The following DTNA variants were observed in gnomAD, a reference collection of about 807,000 sequenced individuals.
DTNA encodes dystrophin-related protein 3.
A neutral mutation model predicts 100.7 loss-of-function variants in DTNA; 43 were observed. That is an observed-to-expected ratio of 0.43 (90% CI 0.33 to 0.55). The LOEUF (loss-of-function observed/expected upper bound fraction) is 0.55, where lower values mean the gene tolerates loss of function less well. DTNA is among the 20% of genes least tolerant of loss of function. The pLI is 0.04. For synonymous variants in DTNA, 349 were observed against 347.9 expected (o/e 1.00, Z -0.04); for missense variants, 798 against 953.9 (o/e 0.84, Z 2.15).
intron 1 of DTNA, among the ~76,000 whole-genome samples, chr18:34,751,473 C>T (rs763748339): frequency 1.1e-4 from 16 of 152,184 alleles, no homozygotes; most frequent in Admixed American, 2.0e-4. Flanking sequence ...AGCCCTTTAT[C>T]GTCTAAACAT....
chr18:34,807,945 T>G (rs919854835), intron 5 of DTNA, among the ~76,000 whole-genome samples: 2 of 151,472 alleles, frequency 1.3e-5, no homozygotes, highest in African/African-American at 4.9e-5. Context: ...AGAGAAAGTT[T>G]AGCAAAATGA....
At chr18:34,500,725 A>T (rs1383464567) in intron 1 of DTNA, among the ~76,000 whole-genome samples, 1 of 151,928 alleles carries the variant, frequency 6.6e-6, no homozygotes, top group African/African-American at 2.4e-5. Context: ...CGGCCTCCCA[A>T]ACTGCTGGGA....
chr18:34,554,898 T>G (rs2045860481), intron 1 of DTNA, among the ~76,000 whole-genome samples: 1 of 150,354 alleles, frequency 6.7e-6, no homozygotes, highest in South Asian at 2.1e-4. Flanking sequence ...ATAAAATGAG[T>G]TAGGGAGGAT....
chr18:34,720,426 G>A lies in DTNA; in HGVS notation c.-2+9981G>A, dbSNP rs138999590. Among the ~76,000 whole-genome samples the A allele has an allele frequency of 3.8e-4, 58 of 152,314 alleles. No individual in the cohort carries two copies. The East Asian group carries it at 9.8e-3, about 26-fold the overall frequency. ...CCTCTGTTGTACTGGATTTCCAGCA[G>A]GGAATGATGCTGTTTGGGTTAAGAC... On this transcript the variant is annotated intron_variant, in intron 1 of 22. Transcript: ENST00000444659.
At chr18:34,756,952 G>C (rs2092819084) in intron 2 of DTNA, among the ~76,000 whole-genome samples, 1 of 152,074 alleles carries the variant, frequency 6.6e-6, no homozygotes, top group African/African-American at 2.4e-5. Flanking sequence ...GACAAAATTA[G>C]GTTTCTACTA....
intron 9 of DTNA, among the ~76,000 whole-genome samples, chr18:34,826,603 A>G (rs185273833): frequency 6.6e-6 from 1 of 152,330 alleles, no homozygotes. Flanking sequence ...TTAGGCTGCT[A>G]TAATTAATGT....
intron 1 of DTNA, among the ~76,000 whole-genome samples, chr18:34,743,552 T>C (rs2091078733): frequency 2.0e-5 from 3 of 152,174 alleles, no homozygotes; most frequent in Non-Finnish European, 4.4e-5. Context: ...CTATTCCACA[T>C]GTTACTGATA....
chr18:34,661,301 G>A (rs922450141), intron 1 of DTNA, among the ~76,000 whole-genome samples: 4 of 152,176 alleles, frequency 2.6e-5, no homozygotes, highest in Admixed American at 6.5e-5. Flanking sequence ...TAGTGGATAC[G>A]TTGATCATTC....
intron 1 of DTNA, among the ~76,000 whole-genome samples, chr18:34,565,512 G>A (rs1246344627): frequency 1.3e-5 from 2 of 152,192 alleles, no homozygotes; most frequent in African/African-American, 4.8e-5. Flanking sequence ...GAGGCTAGAA[G>A]TCCAAAATCA....
rs376665876 is a variant in DTNA at position 34,725,333 on chromosome 18, T to C, written c.-2+14888T>C. ...CAACCTACAGAATAGGAGAAAATTT[T>C]TGCAATCTATCCATCTGACAAAGGG... On this transcript the variant is annotated intron_variant, in intron 1 of 22. Transcript: ENST00000444659. Among the ~76,000 whole-genome samples the C allele has an allele frequency of 5.9e-5, 9 of 152,162 alleles. No homozygotes were observed. In the South Asian group the frequency reaches 1.2e-3, roughly 21 times the overall value.
rs9959254 is a variant in DTNA at position 34,817,620 on chromosome 18, C to T, written c.710-544C>T. 0.12 allele frequency among the ~76,000 whole-genome samples: 18,633 copies of T among 152,134 alleles called. 1,247 individuals are homozygous for T. The highest frequency in any genetic ancestry group is 0.16 in the South Asian group (756 of 4,814). On this transcript the variant is annotated intron_variant, in intron 7 of 22. Coordinates refer to ENST00000444659, the MANE Select transcript of DTNA (RefSeq NM_001386795.1). ...TTTGTCAGATGTAGGCAACACCACT[C>T]GTTAAGTAAGCCATTAGTCACTCTA...
chr18:34,858,661 G>A (rs554026873), intron 16 of DTNA, among the ~76,000 whole-genome samples: 1 of 152,266 alleles, frequency 6.6e-6, no homozygotes, highest in South Asian at 2.1e-4. Context: ...GCCCAGGCTG[G>A]AGTGCAATGG....
At chr18:34,788,241 AAACTTCTTAAT>A (rs1360134986) in intron 3 of DTNA, among the ~76,000 whole-genome samples, 1 of 152,216 alleles carries the variant, frequency 6.6e-6, no homozygotes, top group Non-Finnish European at 1.5e-5. Flanking sequence ...CTTTTAAAAC[AAACTTCTTAAT>A]AACTTCTTAA....
chr18:34,636,385 G>A (rs1303606479), intron 1 of DTNA, among the ~76,000 whole-genome samples: 1 of 152,146 alleles, frequency 6.6e-6, no homozygotes, highest in Non-Finnish European at 1.5e-5. Flanking sequence ...AAAGTGCTAG[G>A]ATTACAGGCA....
At chr18:34,604,007 CA>C (rs1195504037) in intron 1 of DTNA, among the ~76,000 whole-genome samples, 1 of 152,128 alleles carries the variant, frequency 6.6e-6, no homozygotes, top group Non-Finnish European at 1.5e-5. Context: ...AGTAGACTAA[CA>C]AAAACAAAAT....
upstream of DTNA, among the ~76,000 whole-genome samples, chr18:34,707,723 CAT>C (rs1435441440): frequency 6.6e-6 from 1 of 152,156 alleles, no homozygotes; most frequent in Admixed American, 6.5e-5. Flanking sequence ...GCCAGCCACA[CAT>C]GAGAATAGGT....
intron 1 of DTNA, among the ~76,000 whole-genome samples, chr18:34,496,205 A>ACACACACACACAC (rs2039183347): frequency 7.2e-6 from 1 of 138,498 alleles, no homozygotes; most frequent in African/African-American, 2.8e-5. Flanking sequence ...CCCTCCCTGC[A>ACACACACACACAC]ACACACACAC....
intron 1 of DTNA, among the ~76,000 whole-genome samples, chr18:34,584,517 C>CA (rs760400627): frequency 2.0e-5 from 3 of 151,666 alleles, no homozygotes; most frequent in Non-Finnish European, 4.4e-5. Context: ...ATCAACAGAA[C>CA]AAAGATGAGA....
At chr18:34,788,667 C>T (rs971038319) in intron 3 of DTNA, among the ~76,000 whole-genome samples, 1 of 152,122 alleles carries the variant, frequency 6.6e-6, no homozygotes, top group Non-Finnish European at 1.5e-5. Context: ...TCTAATGACC[C>T]GATATGGTAA....
Sources: gnomAD v4.1 joint callset for allele counts (sites outside exome capture counted in the v4.1 genomes callset) on GRCh38, gnomAD v4.1.1 for gene constraint, MANE v1.5 for transcripts, NCBI Gene and HGNC (gene_info 2026-07-23, HGNC 2026-07-21) for gene names.